BEGAIN: variants seen among roughly 807,000 people sequenced by gnomAD.
The protein encoded by BEGAIN is brain enriched guanylate kinase associated, also known as brain-enriched guanylate kinase-associated protein.
In BEGAIN, 19 loss-of-function variants were observed where a neutral mutation model predicts 35.8. The ratio of observed to expected loss-of-function variants is 0.53; its 90% CI spans 0.37 to 0.78. The LOEUF (loss-of-function observed/expected upper bound fraction) is 0.78, where lower values mean the gene tolerates loss of function less well. BEGAIN is among the 30% of genes least tolerant of loss of function. BEGAIN has a pLI of 0.00. For missense variants in BEGAIN, 795 were observed against 853.6 expected (o/e 0.93, Z 0.85); for synonymous variants, 462 against 388.6 (o/e 1.19, Z -2.22).
In BEGAIN at chr14:100,538,199, C is replaced by G. The variant is rs754539816; in HGVS notation, c.1609G>C (p.Gly537Arg). 42 of 1,553,600 alleles carry G rather than the reference C, an allele frequency of 2.7e-5. No homozygotes were observed. Among genetic ancestry groups the G allele is most frequent in the East Asian group, 1.2e-4 (5 of 42,684 alleles). Residue 537 changes from glycine to arginine, a missense_variant, in exon 7 of 7, where the codon GGG becomes CGG. Transcript: ENST00000554140. Reference protein sequence around the residue: ...DPLPGYAPSEGGDGDRLGVQL... With the variant: ...DPLPGYAPSERGDGDRLGVQL... ...ACCCCGAGCCTGTCCCCGTCCCCCC[C>G]CTCGCTGGGTGCATAGCCGGGCAGT...
chr14:100,555,730 G>T (rs1313534105), intron 2 of BEGAIN, among the ~76,000 whole-genome samples: 1 of 152,204 alleles, frequency 6.6e-6, no homozygotes, highest in African/African-American at 2.4e-5. Context: ...AGACAACTAT[G>T]ACGAGCTGCC....
chr14:100,550,893 C>T (rs191809176), intron 2 of BEGAIN, among the ~76,000 whole-genome samples: 70 of 152,318 alleles, frequency 4.6e-4, no homozygotes, highest in Middle Eastern at 3.4e-3. Context: ...CCCTGCAGAG[C>T]GGCAGGTCTA....
intron 1 of BEGAIN, among the ~76,000 whole-genome samples, chr14:100,571,486 A>T (rs28529462): frequency 0.049 from 7,411 of 152,250 alleles, 620 homozygotes; most frequent in African/African-American, 0.17. Context: ...CACAGAAATC[A>T]GTTCCATTGA....
Position 100,560,373 on chromosome 14 carries a change from C to G in BEGAIN, c.71+7538G>C, listed in dbSNP as rs1441589585. Among the ~76,000 whole-genome samples, 5 of 152,338 alleles carry G rather than the reference C, an allele frequency of 3.3e-5. No individual in the cohort carries two copies. The East Asian group carries it at 9.7e-4, about 29-fold the overall frequency. Reference sequence around the variant, plus strand: ...TGTGTCCCCAGCAGCACCACCTGCCCCTGCCTCTCTTTTCCTTCTCTCTTG... The same window carrying G: ...TGTGTCCCCAGCAGCACCACCTGCCGCTGCCTCTCTTTTCCTTCTCTCTTG... On this transcript the variant is annotated intron_variant, in intron 2 of 6. Transcript: ENST00000554140.
chr14:100,551,508 T>G (rs2033194782), intron 2 of BEGAIN, among the ~76,000 whole-genome samples: 1 of 152,162 alleles, frequency 6.6e-6, no homozygotes, highest in Non-Finnish European at 1.5e-5. Flanking sequence ...AGCCGTATAA[T>G]CCCATTGAAA....
chr14:100,539,286 G>A lies in BEGAIN; in HGVS notation c.522C>T (p.Ser174=). The change falls in exon 7 of 7, where the codon AGC becomes AGT. Residue 174 remains serine (S), a synonymous_variant. Coordinates refer to ENST00000554140, the MANE Select transcript of BEGAIN (RefSeq NM_001385089.1). Reference sequence around the variant, plus strand: ...TGCAGCCGTGCTTCTCCATGTGCAGGCTCACGCGCTCCTGGAAATCCGAGG... The same window carrying A: ...TGCAGCCGTGCTTCTCCATGTGCAGACTCACGCGCTCCTGGAAATCCGAGG... ...ELPSDFQERV[S]LHMEKHGCSL... The A allele has an allele frequency of 6.4e-7, 1 of 1,567,934 alleles. No homozygotes were observed. Among genetic ancestry groups the A allele is most frequent in the Non-Finnish European group, 8.6e-7 (1 of 1,158,510 alleles).
At position 100,539,088 on chromosome 14, in the gene BEGAIN, G is replaced by A. The variant is rs898879765; in HGVS notation, c.720C>T (p.Pro240=). The A allele has an allele frequency of 6.2e-7, 1 of 1,611,228 alleles. No homozygotes were observed. Among genetic ancestry groups the A allele is most frequent in the Non-Finnish European group, 8.5e-7 (1 of 1,178,804 alleles). The change falls in exon 7 of 7, where the codon CCC becomes CCT. Residue 240 remains proline (P), a synonymous_variant. Coordinates refer to ENST00000554140, the MANE Select transcript of BEGAIN (RefSeq NM_001385089.1). ...CACTGCAGTAGATGTCTCCCTTGTA[G>A]GGGGGCCGCGGGCCTGGTTTCTCCA... The part of the protein sequence containing the change: ...DGVEKPGPRP[P]YKGDIYCSDT...
Position 100,538,400 on chromosome 14 carries a change from C to A in BEGAIN, c.1408G>T (p.Gly470Trp). The A allele has an allele frequency of 6.5e-7, 1 of 1,548,194 alleles. No homozygotes were observed. The change falls in exon 7 of 7, where the codon GGG becomes TGG. Residue 470 changes from glycine to tryptophan, a missense_variant. This residue lies in a region of BEGAIN where 664 missense variants were observed against 647.7 expected (regional missense o/e 1.03). Coordinates refer to ENST00000554140, the MANE Select transcript of BEGAIN (RefSeq NM_001385089.1). ...PCSFSERYYG[G>W]AGGSPGKKAD... is the part of the protein sequence containing the mutation. ...TTCTTGCCCGGGCTGCCCCCGGCCC[C>A]GCCGTAGTAGCGTTCAGAGAAGCTG...
In BEGAIN at chr14:100,568,776, G is replaced by A. The variant is rs577052552; in HGVS notation, c.43-837C>T. 3.8e-4 allele frequency: 305 copies of A among 804,002 alleles called. No homozygotes were observed. Among genetic ancestry groups the A allele is most frequent in the Middle Eastern group, 6.2e-4 (1 of 1,606 alleles). 49.8% of individuals were successfully genotyped at this position (804,002 alleles called of 1,614,324 possible). On this transcript the variant is annotated intron_variant, in intron 1 of 6. Coordinates refer to ENST00000554140, the MANE Select transcript of BEGAIN (RefSeq NM_001385089.1). The surrounding 1 kb of genome is among the most constrained non-coding windows in gnomAD (Gnocchi z 7.5). ...GATCGCACTTCCTGCGTGGAGCTGG[G>A]GGCGCCGGGCGGGCTCTCTATCACC...
At chr14:100,572,436 T>A (rs912947303) in intron 1 of BEGAIN, among the ~76,000 whole-genome samples, 1 of 152,102 alleles carries the variant, frequency 6.6e-6, no homozygotes, top group Non-Finnish European at 1.5e-5. Flanking sequence ...CAGCTCTGCC[T>A]CCGACTCAGG....
chr14:100,572,936 TG>T (rs1181456814), intron 1 of BEGAIN, among the ~76,000 whole-genome samples: 1 of 152,014 alleles, frequency 6.6e-6, no homozygotes, highest in East Asian at 1.9e-4. Context: ...CTGGTCAGAC[TG>T]GATGAAATTC....
At chr14:100,583,845 C>T (rs1433690004) in intron 1 of BEGAIN, among the ~76,000 whole-genome samples, 2 of 151,908 alleles carry the variant, frequency 1.3e-5, no homozygotes, top group African/African-American at 2.4e-5. Flanking sequence ...TACAGGTGCA[C>T]ACCACCACAC....
chr14:100,561,387 G>A (rs777884461), intron 2 of BEGAIN, among the ~76,000 whole-genome samples: 1 of 152,176 alleles, frequency 6.6e-6, no homozygotes, highest in African/African-American at 2.4e-5. Context: ...CTCCTGAGCC[G>A]CCTTCTCAAG....
intron 4 of BEGAIN, among the ~76,000 whole-genome samples, chr14:100,544,506 C>T (rs374663347): frequency 7.9e-5 from 12 of 152,362 alleles, no homozygotes; most frequent in African/African-American, 2.6e-4. Flanking sequence ...CAGAAACCCA[C>T]ACCCTGCCCC....
chr14:100,551,998 C>T (rs888062521), intron 2 of BEGAIN, among the ~76,000 whole-genome samples: 5 of 152,140 alleles, frequency 3.3e-5, no homozygotes, highest in African/African-American at 9.7e-5. Context: ...GGGATGAGTG[C>T]GTTCGCTCGA....
In BEGAIN at chr14:100,573,567, C is replaced by T. The variant is rs1195384242; in HGVS notation, c.43-5628G>A. Among the ~76,000 whole-genome samples the T allele has an allele frequency of 2.0e-5, 3 of 152,056 alleles. No individual in the cohort carries two copies. The highest frequency in any genetic ancestry group is 4.4e-5 in the Non-Finnish European group (3 of 67,966). ...AGGGCATCCAGCCAGGCCCACGGGG[C>T]CTGGGGTGGAGGTGGGAGGGATTCT... On this transcript the variant is annotated intron_variant, in intron 1 of 6. Coordinates refer to ENST00000554140, the MANE Select transcript of BEGAIN (RefSeq NM_001385089.1). The surrounding 1 kb of genome is among the most constrained non-coding windows in gnomAD (Gnocchi z 4.2).
At chr14:100,572,727 T>C (rs2035111920) in intron 1 of BEGAIN, among the ~76,000 whole-genome samples, 1 of 152,038 alleles carries the variant, frequency 6.6e-6, no homozygotes, top group South Asian at 2.1e-4. Flanking sequence ...AGATGGAAAA[T>C]CCTTCACTGG....
chr14:100,568,004 GAGCCGGGCAC>G lies in BEGAIN; in HGVS notation c.43-75_43-66del. 7.4e-7 allele frequency: 1 copy of G among 1,357,824 alleles called. No individual in the cohort carries two copies. The highest frequency in any genetic ancestry group is 9.6e-7 in the Non-Finnish European group (1 of 1,036,460). The allele number at this position is 1,357,824 out of a possible 1,614,324, so 84.1% of individuals were successfully genotyped here. A position where few individuals can be genotyped will look rare whatever the true frequency, so the allele number is the denominator to read the frequency against. On this transcript the variant is annotated intron_variant, in intron 1 of 6. Transcript: ENST00000554140. The surrounding 1 kb of genome is among the most constrained non-coding windows in gnomAD (Gnocchi z 7.5). ...GTGCGCTCCGCGGCCGCGCCGGGCAGAGCCGGGCACAGCGGGCACGGCCGGGCAACCCCGC... is the reference window on the plus strand; with the variant it reads ...GTGCGCTCCGCGGCCGCGCCGGGCAGAGCGGGCACGGCCGGGCAACCCCGC...
At chr14:100,580,618 CCT>C (rs779619093) in intron 1 of BEGAIN, among the ~76,000 whole-genome samples, 13 of 152,282 alleles carry the variant, frequency 8.5e-5, no homozygotes, top group Admixed American at 2.0e-4. Context: ...AGCCTGTCCC[CCT>C]CTGTCCCTCA....
Sources: allele counts gnomAD v4.1 joint callset (sites outside exome capture counted in the v4.1 genomes callset), GRCh38; gene constraint gnomAD v4.1.1; regional missense constraint gnomAD v4.1.1; non-coding constraint Gnocchi (gnomAD v3.1); transcripts MANE v1.5; gene names NCBI Gene and HGNC (gene_info 2026-07-23, HGNC 2026-07-21).